ESRRB: variants seen among roughly 807,000 people sequenced by gnomAD.
ESRRB encodes the protein estrogen related receptor beta, also known as steroid hormone receptor ERR2.
A neutral mutation model predicts 46.0 loss-of-function variants in ESRRB; 16 were observed. The ratio of observed to expected loss-of-function variants is 0.35; its 90% CI spans 0.24 to 0.53. The LOEUF (loss-of-function observed/expected upper bound fraction) is 0.53, where lower values mean the gene tolerates loss of function less well. ESRRB is among the 20% of genes least tolerant of loss of function. The pLI, the probability that ESRRB is intolerant of heterozygous loss-of-function variation, is 0.93. For missense variants in ESRRB, 488 were observed against 607.4 expected, an observed-to-expected ratio of 0.80 and a Z score of 2.07; for synonymous variants, 246 against 259.6, an observed-to-expected ratio of 0.95 and a Z score of 0.50.
rs560273933 is a variant in ESRRB at position 76,488,521 on chromosome 14, A to C, written c.851-2926A>C. Among the ~76,000 whole-genome samples the C allele has an allele frequency of 4.6e-5, 7 of 152,288 alleles. No homozygotes were observed. In the South Asian group the frequency reaches 1.5e-3, roughly 32 times the overall value. ...TCCAAAGATCTTAGAGGGTCTAACC[A>C]AGTACTGTGGGCACATTTTCTTGTC... On this transcript the variant is annotated intron_variant, in intron 5 of 6. Coordinates refer to ENST00000644823, the MANE Select transcript of ESRRB (RefSeq NM_001379180.1).
intron 1 of ESRRB, among the ~76,000 whole-genome samples, chr14:76,378,189 T>C (rs190481368): frequency 6.6e-6 from 1 of 152,324 alleles, no homozygotes; most frequent in East Asian, 1.9e-4. Flanking sequence ...CACGAAATAC[T>C]TATGTATTTG....
chr14:76,333,029 ATATATAT>A (rs1198027132), intron 1 of ESRRB, among the ~76,000 whole-genome samples: 349 of 6,666 alleles, frequency 0.052, 54 homozygotes, highest in East Asian at 0.12. Flanking sequence ...ATTATATATT[ATATATAT>A]TATATATTAT....
At chr14:76,332,588 A>C (rs1194634455) in intron 1 of ESRRB, among the ~76,000 whole-genome samples, 2 of 24,480 alleles carry the variant, frequency 8.2e-5, no homozygotes, top group East Asian at 2.8e-3. Context: ...TTATATATTT[A>C]TATATTATAT....
At chr14:76,346,771 G>C (rs1326862133) in intron 1 of ESRRB, among the ~76,000 whole-genome samples, 1 of 152,232 alleles carries the variant, frequency 6.6e-6, no homozygotes, top group Non-Finnish European at 1.5e-5. Context: ...CCAGAGTCCT[G>C]CAAGGTCTGA....
chr14:76,349,120 A>G (rs567617806), intron 1 of ESRRB, among the ~76,000 whole-genome samples: 1 of 152,356 alleles, frequency 6.6e-6, no homozygotes, highest in East Asian at 1.9e-4. Context: ...GGGGGGTCAC[A>G]GAGCCAATGA....
chr14:76,487,356 T>C (rs1356708268), intron 5 of ESRRB, among the ~76,000 whole-genome samples: 5 of 152,154 alleles, frequency 3.3e-5, no homozygotes, highest in African/African-American at 1.2e-4. Context: ...ACAGCAGAGT[T>C]AGGAAGCTGA....
intron 3 of ESRRB, among the ~76,000 whole-genome samples, chr14:76,471,417 A>C (rs1162616618): frequency 6.6e-6 from 1 of 151,854 alleles, no homozygotes; most frequent in Non-Finnish European, 1.5e-5. Context: ...TACAATCCAA[A>C]CACTTTGCTT....
chr14:76,337,774 G>C (rs1270669406), intron 1 of ESRRB, among the ~76,000 whole-genome samples: 1 of 151,860 alleles, frequency 6.6e-6, no homozygotes, highest in Non-Finnish European at 1.5e-5. Context: ...TGTGCTGAGA[G>C]CACACCCTCT....
At chr14:76,353,636 G>A (rs1214349191) in intron 1 of ESRRB, among the ~76,000 whole-genome samples, 2 of 152,156 alleles carry the variant, frequency 1.3e-5, no homozygotes, top group African/African-American at 4.8e-5. Flanking sequence ...GGCACAGAGC[G>A]ATTAGTGACT....
At chr14:76,465,516 G>A (rs1257799975) in intron 3 of ESRRB, among the ~76,000 whole-genome samples, 1 of 152,156 alleles carries the variant, frequency 6.6e-6, no homozygotes, top group Non-Finnish European at 1.5e-5. Flanking sequence ...AGAGAAACGA[G>A]GTGGACACTG....
intron 3 of ESRRB, among the ~76,000 whole-genome samples, chr14:76,477,305 G>T (rs565981624): frequency 6.6e-6 from 1 of 152,290 alleles, no homozygotes; most frequent in South Asian, 2.1e-4. Context: ...GAGCTGATGG[G>T]TATAAAGGGA....
At chr14:76,348,656 T>C (rs1454456740) in intron 1 of ESRRB, among the ~76,000 whole-genome samples, 1 of 152,236 alleles carries the variant, frequency 6.6e-6, no homozygotes, top group East Asian at 1.9e-4. Flanking sequence ...TTAGAGTCTT[T>C]GATTCTTCTT....
chr14:76,352,307 T>G (rs1458695353), intron 1 of ESRRB, among the ~76,000 whole-genome samples: 2 of 152,198 alleles, frequency 1.3e-5, no homozygotes, highest in Non-Finnish European at 2.9e-5. Context: ...CAGTAAGTGT[T>G]CAGTACATGT....
At chr14:76,392,084 C>T (rs926658504) in intron 1 of ESRRB, among the ~76,000 whole-genome samples, 2 of 152,234 alleles carry the variant, frequency 1.3e-5, no homozygotes, top group African/African-American at 4.8e-5. Context: ...TTCTGTGTAA[C>T]TGCAGTACTT....
intron 1 of ESRRB, among the ~76,000 whole-genome samples, chr14:76,411,337 A>G (rs1321599839): frequency 6.6e-6 from 1 of 151,926 alleles, no homozygotes; most frequent in Non-Finnish European, 1.5e-5. Context: ...AATCCCAGCT[A>G]CTCGGGAGGC....
intron 2 of ESRRB, among the ~76,000 whole-genome samples, chr14:76,459,882 G>A (rs143098113): frequency 2.6e-5 from 4 of 152,044 alleles, no homozygotes; most frequent in African/African-American, 9.7e-5. Context: ...GTGCCTGCTG[G>A]ACTTGAGACA....
At chr14:76,403,518 C>A (rs1886030428) in intron 1 of ESRRB, among the ~76,000 whole-genome samples, 1 of 152,184 alleles carries the variant, frequency 6.6e-6, no homozygotes, top group Non-Finnish European at 1.5e-5. Flanking sequence ...ACAGACTTTG[C>A]ATGAGGGTAA....
intron 1 of ESRRB, among the ~76,000 whole-genome samples, chr14:76,427,213 C>A (rs929422958): frequency 6.6e-6 from 1 of 152,114 alleles, no homozygotes; most frequent in South Asian, 2.1e-4. Context: ...GCCCTGACAC[C>A]AAAAATCTAA....
At chr14:76,324,886 G>A (rs1160351646) in intron 1 of ESRRB, among the ~76,000 whole-genome samples, 1 of 151,822 alleles carries the variant, frequency 6.6e-6, no homozygotes, top group Non-Finnish European at 1.5e-5. Context: ...CCTTTGATTT[G>A]CCTTCAGCAA....
Sources: gnomAD v4.1 joint callset for allele counts (sites outside exome capture counted in the v4.1 genomes callset) on GRCh38, gnomAD v4.1.1 for gene constraint, MANE v1.5 for transcripts, NCBI Gene and HGNC (gene_info 2026-07-23, HGNC 2026-07-21) for gene names.